ASCC3: variants seen among roughly 807,000 people sequenced by gnomAD.
The protein encoded by ASCC3 is ASC-1 complex subunit P200.
ASCC3 carries 158 observed loss-of-function variants against 256.3 expected under a neutral mutation model. The ratio of observed to expected loss-of-function variants is 0.62; its 90% CI spans 0.54 to 0.70. The LOEUF is 0.70. Ranked by LOEUF, ASCC3 falls within the 30% of genes least tolerant of loss-of-function variation. The pLI, the probability that ASCC3 is intolerant of heterozygous loss-of-function variation, is 0.00. For missense variants in ASCC3, 2,259 were observed against 2,626.0 expected, an observed-to-expected ratio of 0.86 and a Z score of 3.05; for synonymous variants, 948 against 883.4, an observed-to-expected ratio of 1.07 and a Z score of -1.30.
At chr6:100,811,613 A>G (rs1322293066) in intron 4 of ASCC3, among the ~76,000 whole-genome samples, 1 of 152,114 alleles carries the variant, frequency 6.6e-6, no homozygotes, top group African/African-American at 2.4e-5. Flanking sequence ...AGAAAGAAAA[A>G]ACCTCGATAT....
intron 24 of ASCC3, among the ~76,000 whole-genome samples, chr6:100,642,153 T>TA (rs1391616890): frequency 4.7e-5 from 7 of 150,008 alleles, no homozygotes; most frequent in African/African-American, 1.5e-4. Flanking sequence ...CCCTAAAAGT[T>TA]AAAGTATTAA....
intron 17 of ASCC3, among the ~76,000 whole-genome samples, chr6:100,654,008 C>A (rs1204925000): frequency 6.6e-6 from 1 of 151,828 alleles, no homozygotes; most frequent in Non-Finnish European, 1.5e-5. Flanking sequence ...TTTATGGCAG[C>A]TTATTTATGT....
intron 4 of ASCC3, among the ~76,000 whole-genome samples, chr6:100,840,902 G>A (rs1468406305): frequency 6.6e-6 from 1 of 151,506 alleles, no homozygotes. Flanking sequence ...ATAAAGAATG[G>A]GTGGCAATAA....
intron 3 of ASCC3, among the ~76,000 whole-genome samples, chr6:100,849,043 C>T (rs527794710): frequency 2.0e-4 from 31 of 152,174 alleles, no homozygotes; most frequent in Admixed American, 6.5e-4. Flanking sequence ...AAGGTTGGGG[C>T]TGCAGCGAGC....
chr6:100,753,169 G>A (rs1198430428), intron 10 of ASCC3, among the ~76,000 whole-genome samples: 4 of 151,856 alleles, frequency 2.6e-5, no homozygotes, highest in South Asian at 2.1e-4. Flanking sequence ...CCTAAGTAAC[G>A]TGAACAAAAT....
Position 100,642,663 on chromosome 6 carries a change from A to G in ASCC3, c.3819T>C (p.Ser1273=). 1.2e-6 allele frequency: 2 copies of G among 1,613,998 alleles called. No individual in the cohort carries two copies. Among genetic ancestry groups the G allele is most frequent in the South Asian group, 1.1e-5 (1 of 91,068 alleles). Residue 1273 remains serine (S), a synonymous_variant, in exon 24 of 42, where the codon TCT becomes TCC. Transcript: ENST00000369162. ...LPSQYYIRAV[S]DRWLGAEAVC... ...CTGCCTCAGCACCCAACCATCTATC[A>G]GACACTGCTCGGATGTAGTATTGGG... is the stretch of plus-strand genomic sequence containing the variant.
intron 25 of ASCC3, among the ~76,000 whole-genome samples, 181 bp from the exon 26 acceptor site, chr6:100,631,394 C>T (rs76571593): frequency 0.014 from 2,101 of 151,870 alleles, 16 homozygotes; most frequent in Non-Finnish European, 0.022. Flanking sequence ...ACTACATTTA[C>T]CCAAAATAAG....
At position 100,723,902 on chromosome 6, in the gene ASCC3, A is replaced by ATATATAT. The variant is rs1233478212; in HGVS notation, c.1902+1636_1902+1637insATATATA. On this transcript the variant is annotated intron_variant, in intron 11 of 41. Transcript: ENST00000369162. ...TATATATATATATATATATATTTAT[A>ATATATAT]ATTATATATATGACACATATATATA... is the stretch of plus-strand genomic sequence containing the variant. 9.3e-4 allele frequency among the ~76,000 whole-genome samples: 118 copies of ATATATAT among 126,666 alleles called. 2 individuals carry two copies. Among genetic ancestry groups the ATATATAT allele is most frequent in the East Asian group, 6.6e-3 (27 of 4,092 alleles). The allele number at this position is 126,666 out of a possible 152,430, so 83.1% of individuals were successfully genotyped here.
chr6:100,665,227 G>T (rs936999462), intron 14 of ASCC3, among the ~76,000 whole-genome samples: 2 of 152,056 alleles, frequency 1.3e-5, no homozygotes, highest in African/African-American at 4.8e-5. Context: ...CCACCAACTT[G>T]GTATATCTCT....
chr6:100,773,213 T>C (rs1216303947), intron 8 of ASCC3, among the ~76,000 whole-genome samples: 1 of 152,160 alleles, frequency 6.6e-6, no homozygotes. Context: ...ACAGAGATGG[T>C]ACTTGTTAAA....
At chr6:100,564,892 A>T (rs1770151136) in intron 36 of ASCC3, among the ~76,000 whole-genome samples, 1 of 152,202 alleles carries the variant, frequency 6.6e-6, no homozygotes, top group Non-Finnish European at 1.5e-5. Context: ...CCTGTATAAA[A>T]GAATAAATGG....
chr6:100,860,554 C>T (rs917657720), intron 3 of ASCC3, among the ~76,000 whole-genome samples: 1 of 151,772 alleles, frequency 6.6e-6, no homozygotes, highest in African/African-American at 2.4e-5. Context: ...CTCTATACTT[C>T]ATTTGTTTAT....
intron 4 of ASCC3, among the ~76,000 whole-genome samples, chr6:100,812,706 G>C (rs1218856796): frequency 6.6e-6 from 1 of 152,150 alleles, no homozygotes; most frequent in Admixed American, 6.5e-5. Context: ...GAGGAGGGAG[G>C]ATTGCTTGAG....
chr6:100,571,381 A>G (rs1228240784), intron 36 of ASCC3, among the ~76,000 whole-genome samples: 1 of 152,048 alleles, frequency 6.6e-6, no homozygotes, highest in African/African-American at 2.4e-5. Flanking sequence ...TTATCTTCTG[A>G]TTATTACCGT....
At chr6:100,586,830 C>G (rs1272608086) in intron 36 of ASCC3, among the ~76,000 whole-genome samples, 1 of 151,844 alleles carries the variant, frequency 6.6e-6, no homozygotes, top group Non-Finnish European at 1.5e-5. Context: ...TAATGGGTAG[C>G]TTAAGAAATA....
At chr6:100,710,337 T>C (rs991692062) in intron 13 of ASCC3, among the ~76,000 whole-genome samples, 1 of 152,188 alleles carries the variant, frequency 6.6e-6, no homozygotes, top group Non-Finnish European at 1.5e-5. Context: ...AAGTTCTTCA[T>C]GCCCTAGAGC....
chr6:100,595,615 C>G (rs1466629424), intron 34 of ASCC3, among the ~76,000 whole-genome samples: 2 of 152,092 alleles, frequency 1.3e-5, no homozygotes, highest in Non-Finnish European at 2.9e-5. Context: ...CAGCATAGCA[C>G]TGAAAAGAGA....
chr6:100,623,979 G>A (rs886488600), intron 30 of ASCC3, among the ~76,000 whole-genome samples: 1 of 151,850 alleles, frequency 6.6e-6, no homozygotes, highest in African/African-American at 2.4e-5. Flanking sequence ...GGTGGGAGGA[G>A]GGGGGAGGGA....
At chr6:100,516,115 A>C in intron 39 of ASCC3, 65 bp downstream of exon 39, 2 of 1,604,970 alleles carry the variant, frequency 1.2e-6, no homozygotes, top group Non-Finnish European at 1.7e-6. Context: ...GCTCTAAGTT[A>C]GAAAACTCTT....
Sources: gnomAD v4.1 joint callset for allele counts (sites outside exome capture counted in the v4.1 genomes callset) on GRCh38, gnomAD v4.1.1 for gene constraint, MANE v1.5 for transcripts, NCBI Gene and HGNC (gene_info 2026-07-23, HGNC 2026-07-21) for gene names.